The following SUFU variants were observed in gnomAD, a reference collection of about 807,000 sequenced individuals.
The protein encoded by SUFU is SUFU negative regulator of hedgehog signaling.
In SUFU, 7 loss-of-function variants were observed where a neutral mutation model predicts 58.9. The observed-to-expected ratio is 0.12, with a 90% CI of 0.07 to 0.22. The LOEUF (loss-of-function observed/expected upper bound fraction) is 0.22. Among genes scored for constraint, SUFU ranks in the 10% least tolerant of loss-of-function variants. The probability of loss-of-function intolerance (pLI) is 1.00; values close to 1 mark genes in which losing one functional copy is unlikely to be tolerated. For missense variants in SUFU, 451 were observed against 641.3 expected (o/e 0.70, Z 3.20); for synonymous variants, 232 against 254.8 (o/e 0.91, Z 0.85).
intron 10 of SUFU, among the ~76,000 whole-genome samples, chr10:102,626,065 C>T (rs996872898): frequency 4.6e-5 from 7 of 151,970 alleles, no homozygotes; most frequent in Admixed American, 2.6e-4. Context: ...TCAAGGTGTA[C>T]GGGAGAAGAC....
chr10:102,599,585 C>CT (rs1295327445), intron 8 of SUFU, 41 bp downstream of exon 8: 3 of 1,550,730 alleles, frequency 1.9e-6, no homozygotes, highest in Admixed American at 3.3e-5. Flanking sequence ...AAGAGGACGA[C>CT]TTTTTTCTGA....
chr10:102,578,732 A>G (rs117318434), intron 3 of SUFU, among the ~76,000 whole-genome samples: 2,231 of 151,080 alleles, frequency 0.015, 57 homozygotes, highest in South Asian at 0.12. Flanking sequence ...TTAGATGGAC[A>G]TGATGGTGCG....
intron 3 of SUFU, among the ~76,000 whole-genome samples, chr10:102,586,294 G>A (rs902665239): frequency 1.3e-5 from 2 of 152,112 alleles, no homozygotes; most frequent in South Asian, 4.2e-4. Context: ...ATATATTCTG[G>A]ATACAAAATA....
chr10:102,542,155 T>C (rs1463396683), intron 2 of SUFU, among the ~76,000 whole-genome samples: 1 of 142,172 alleles, frequency 7.0e-6, no homozygotes, highest in Non-Finnish European at 1.5e-5. Flanking sequence ...TTTTTTGAGA[T>C]GGAGTCTCAC....
chr10:102,575,926 C>G (rs2135815068), intron 3 of SUFU, among the ~76,000 whole-genome samples: 1 of 152,204 alleles, frequency 6.6e-6, no homozygotes, highest in East Asian at 1.9e-4. Flanking sequence ...CAGCCTCAAC[C>G]TCCCGGGCTC....
At chr10:102,565,238 T>G (rs1303772790) in intron 3 of SUFU, among the ~76,000 whole-genome samples, 1 of 152,230 alleles carries the variant, frequency 6.6e-6, no homozygotes, top group Non-Finnish European at 1.5e-5. Context: ...GGCCGTTCAC[T>G]GCAAAAGTCG....
chr10:102,523,239 T>G (rs2062571670), intron 2 of SUFU, among the ~76,000 whole-genome samples: 1 of 152,214 alleles, frequency 6.6e-6, no homozygotes, highest in Admixed American at 6.5e-5. Context: ...TCCCTGGTCA[T>G]AGAATCAGCT....
At chr10:102,581,558 C>T (rs183859328) in intron 3 of SUFU, among the ~76,000 whole-genome samples, 2,459 of 152,282 alleles carry the variant, frequency 0.016, 49 homozygotes, top group Non-Finnish European at 0.021. Flanking sequence ...GGGCCCAGCT[C>T]CGCTGCGCAG....
intron 3 of SUFU, among the ~76,000 whole-genome samples, chr10:102,569,211 G>T (rs932065317): frequency 6.6e-6 from 1 of 151,884 alleles, no homozygotes; most frequent in Non-Finnish European, 1.5e-5. Flanking sequence ...TGGCACATAT[G>T]CCCAGCTCTC....
intron 3 of SUFU, among the ~76,000 whole-genome samples, chr10:102,558,894 G>C (rs2063007801): frequency 6.6e-6 from 1 of 152,188 alleles, no homozygotes; most frequent in South Asian, 2.1e-4. Flanking sequence ...TTGACTACAA[G>C]TAATAGAACA....
At chr10:102,550,454 TG>T (rs1266429782) in intron 3 of SUFU, among the ~76,000 whole-genome samples, 1 of 152,256 alleles carries the variant, frequency 6.6e-6, no homozygotes, top group Non-Finnish European at 1.5e-5. Flanking sequence ...TCTCAGATTT[TG>T]TTTCTTTGTT....
intron 3 of SUFU, among the ~76,000 whole-genome samples, chr10:102,562,858 T>A (rs1187638047): frequency 2.0e-5 from 3 of 152,222 alleles, no homozygotes; most frequent in African/African-American, 7.2e-5. Flanking sequence ...GCCATTGCAC[T>A]CTAGCCTGGG....
chr10:102,577,085 C>T (rs12784294), intron 3 of SUFU, among the ~76,000 whole-genome samples: 135,530 of 137,228 alleles, frequency 0.99, 66,928 homozygotes, highest in South Asian at 1. Context: ...TTTTTCTTTT[C>T]TTTTTTTTTT....
chr10:102,559,373 C>A (rs1377448093), intron 3 of SUFU, among the ~76,000 whole-genome samples: 4 of 152,192 alleles, frequency 2.6e-5, no homozygotes, highest in African/African-American at 9.7e-5. Flanking sequence ...AAAACACTCC[C>A]CACCTAAGAA....
At position 102,547,718 on chromosome 10, in the gene SUFU, A is replaced by G. The variant is rs188928006; in HGVS notation, c.318-2252A>G. ...ACACCTGTGGTTCCAGCTACTTGGG[A>G]GGTTGAGGTGGAAGGATTGCCTAAG... On this transcript the variant is annotated intron_variant, in intron 2 of 11. Transcript: ENST00000369902. 1.3e-3 allele frequency among the ~76,000 whole-genome samples: 191 copies of G among 152,022 alleles called. 2 individuals carry two copies. The highest frequency in any genetic ancestry group is 4.5e-3 in the African/African-American group (187 of 41,474).
In SUFU at chr10:102,583,662, TA is replaced by T. The variant is rs2063306480; in HGVS notation, c.455-8917del. 2.0e-5 allele frequency among the ~76,000 whole-genome samples: 3 copies of T among 152,334 alleles called. No homozygotes were observed. In the South Asian group the frequency reaches 6.2e-4, roughly 32 times the overall value. ...TCCAGCCTTTTCCCTGTTTCCAGCC[TA>T]AATAAATCCCCACCCGGTTTGGGGT... On this transcript the variant is annotated intron_variant, in intron 3 of 11. Transcript: ENST00000369902.
chr10:102,604,126 C>T (rs576439112), intron 8 of SUFU, among the ~76,000 whole-genome samples: 63 of 152,276 alleles, frequency 4.1e-4, no homozygotes, highest in Admixed American at 9.1e-4. Context: ...CACACTCCCA[C>T]GCTGGGGAAG....
chr10:102,526,978 A>G (rs1476840881), intron 2 of SUFU, among the ~76,000 whole-genome samples: 2 of 150,468 alleles, frequency 1.3e-5, no homozygotes, highest in Non-Finnish European at 2.9e-5. Flanking sequence ...TCAATAAATT[A>G]TAATTATTAT....
chr10:102,506,044 A>C (rs1005221036), intron 1 of SUFU, among the ~76,000 whole-genome samples: 1 of 143,676 alleles, frequency 7.0e-6, no homozygotes, highest in South Asian at 2.1e-4. Flanking sequence ...TATTTGAAAA[A>C]AAAAAAAAAA....
Sources: gnomAD v4.1 joint callset for allele counts (sites outside exome capture counted in the v4.1 genomes callset) on GRCh38, gnomAD v4.1.1 for gene constraint, MANE v1.5 for transcripts, NCBI Gene and HGNC (gene_info 2026-07-23, HGNC 2026-07-21) for gene names.